ZNF540: variants seen among roughly 807,000 people sequenced by gnomAD.
ZNF540 encodes the protein CTD-3064H18.6.
ZNF540 carries 3 observed loss-of-function variants against 11.8 expected under a neutral mutation model. That is an observed-to-expected ratio of 0.25 (90% CI 0.12 to 0.65). The LOEUF (loss-of-function observed/expected upper bound fraction) is 0.65, where lower values mean the gene tolerates loss of function less well. Ranked by LOEUF, ZNF540 falls within the 30% of genes least tolerant of loss-of-function variation. ZNF540 has a pLI of 0.83. For missense variants in ZNF540, 709 were observed against 793.1 expected, an observed-to-expected ratio of 0.89 and a Z score of 1.27; for synonymous variants, 247 against 259.0, an observed-to-expected ratio of 0.95 and a Z score of 0.45.
intron 1 of ZNF540, chr19:37,583,743 T>C: frequency 2.3e-6 from 1 of 428,200 alleles, no homozygotes; most frequent in South Asian, 3.4e-5. Flanking sequence ...GATTCCCAGA[T>C]TCAAATCTAG....
intron 1 of ZNF540, among the ~76,000 whole-genome samples, chr19:37,568,962 CTTTT>C (rs879782657): frequency 1.4e-5 from 2 of 145,708 alleles, no homozygotes; most frequent in African/African-American, 5.0e-5. Flanking sequence ...CCCAAGGCAT[CTTTT>C]TTTTTTTTGA....
chr19:37,606,135 T>C (rs2147231259), intron 4 of ZNF540, among the ~76,000 whole-genome samples: 1 of 152,334 alleles, frequency 6.6e-6, no homozygotes, highest in South Asian at 2.1e-4. Context: ...TTTTGTTGAT[T>C]TTCCTTTTCT....
At chr19:37,593,808 G>A (rs1037909161), upstream of ZNF540, among the ~76,000 whole-genome samples, 1 of 152,106 alleles carries the variant, frequency 6.6e-6, no homozygotes, top group Non-Finnish European at 1.5e-5. Context: ...CTAAACTGAT[G>A]ATCCCATCCC....
In ZNF540 at chr19:37,565,225, A is replaced by C. The variant is rs980726399; in HGVS notation, c.-73+13560A>C. ...GATGTTGAATAAGATTAGAATTAGAAATAAAGGCTTTCCCACATTCTTTGC... is the reference window on the plus strand; with the variant it reads ...GATGTTGAATAAGATTAGAATTAGACATAAAGGCTTTCCCACATTCTTTGC... On this transcript the variant is annotated intron_variant, in intron 1 of 4. Transcript: ENST00000592533. The C allele has an allele frequency of 6.2e-6, 10 of 1,613,308 alleles. No homozygotes were observed. The African/African-American group carries it at 1.3e-4, about 22-fold the overall frequency.
chr19:37,565,196 C>A (rs1218364772), intron 1 of ZNF540: 4 of 1,613,514 alleles, frequency 2.5e-6, no homozygotes, highest in Middle Eastern at 1.7e-4. Context: ...GGTATGAATT[C>A]TTTGATGTTG....
chr19:37,586,989 G>A, intron 1 of ZNF540: 1 of 332,764 alleles, frequency 3.0e-6, no homozygotes, highest in Non-Finnish European at 5.4e-6. Context: ...GTAGAACAGA[G>A]GCATGCCCAG....
intron 1 of ZNF540, among the ~76,000 whole-genome samples, chr19:37,588,275 A>G (rs2043751550): frequency 6.6e-6 from 1 of 152,150 alleles, no homozygotes; most frequent in Non-Finnish European, 1.5e-5. Flanking sequence ...TTTAAATTCA[A>G]CAAGCAAGAA....
At chr19:37,559,506 T>A (rs1352053928) in intron 1 of ZNF540, among the ~76,000 whole-genome samples, 1 of 152,244 alleles carries the variant, frequency 6.6e-6, no homozygotes, top group East Asian at 1.9e-4. Context: ...ACTAGGTTGC[T>A]ACATGTAATT....
At chr19:37,590,799 TTTAA>T (rs1187984950), upstream of ZNF540, among the ~76,000 whole-genome samples, 7 of 152,156 alleles carry the variant, frequency 4.6e-5, 1 homozygote, top group Admixed American at 3.3e-4. Flanking sequence ...AGTACTGATT[TTTAA>T]TTAAGAGACT....
intron 1 of ZNF540, among the ~76,000 whole-genome samples, chr19:37,559,499 AG>A (rs1386917745): frequency 6.6e-6 from 1 of 152,258 alleles, no homozygotes; most frequent in African/African-American, 2.4e-5. Context: ...TGCTGTTACT[AG>A]GTTGCTACAT....
chr19:37,591,442 C>A (rs2043864837), upstream of ZNF540, among the ~76,000 whole-genome samples: 1 of 152,240 alleles, frequency 6.6e-6, no homozygotes, highest in South Asian at 2.1e-4. Context: ...AAAACAGACA[C>A]TCCCTTTTGG....
At chr19:37,593,160 T>C (rs908196912), upstream of ZNF540, among the ~76,000 whole-genome samples, 1 of 152,176 alleles carries the variant, frequency 6.6e-6, no homozygotes, top group Non-Finnish European at 1.5e-5. Context: ...AGCATCATGG[T>C]TATTTTAAAA....
rs552469425 is a variant in ZNF540, at chr19:37,587,624, A to G, written c.-72-10752A>G. ...TTTTTTTTGGTAGCATTGATCTTGC[A>G]TACATGTATAATCCATGAACTTAAC... On this transcript the variant is annotated intron_variant, in intron 1 of 4. Transcript: ENST00000592533. Among the ~76,000 whole-genome samples, 10 of 151,310 alleles carry G rather than the reference A, an allele frequency of 6.6e-5. No individual in the cohort carries two copies. The East Asian group carries it at 1.9e-3, about 29-fold the overall frequency.
At chr19:37,574,535 A>G (rs1233507911) in intron 1 of ZNF540, among the ~76,000 whole-genome samples, 2 of 152,218 alleles carry the variant, frequency 1.3e-5, no homozygotes, top group African/African-American at 4.8e-5. Flanking sequence ...TCATTATAAC[A>G]TTAGAACTCA....
chr19:37,591,828 G>A (rs1234904757), upstream of ZNF540, among the ~76,000 whole-genome samples: 1 of 152,104 alleles, frequency 6.6e-6, no homozygotes, highest in Non-Finnish European at 1.5e-5. Context: ...ACAGGCGTGA[G>A]CCACCACACA....
At chr19:37,583,280 G>A (rs1050364028) in intron 1 of ZNF540, among the ~76,000 whole-genome samples, 3 of 152,144 alleles carry the variant, frequency 2.0e-5, no homozygotes, top group South Asian at 2.1e-4. Context: ...ACTTATCCAA[G>A]TTTAACTATA....
At chr19:37,553,752 A>G (rs1464972385) in intron 1 of ZNF540, among the ~76,000 whole-genome samples, 1 of 118,408 alleles carries the variant, frequency 8.4e-6, no homozygotes, top group African/African-American at 3.3e-5. Flanking sequence ...CACACAAATA[A>G]TACTTCCATT....
rs2044149266 is a variant in ZNF540 at position 37,613,450 on chromosome 19, C to T, written c.*187C>T. ...CTAGAAAATAAAGCTGTTAATGTAA[C>T]AGTTGTGGAAAAGTGTTCTAGCAAC... On this transcript the variant is annotated 3_prime_UTR_variant, in exon 5 of 5. Coordinates refer to ENST00000316433, the MANE Select transcript of ZNF540 (RefSeq NM_001172225.3). 2.1e-6 allele frequency: 1 copy of T among 468,622 alleles called. No homozygotes were observed. Among genetic ancestry groups the T allele is most frequent in the Non-Finnish European group, 3.6e-6 (1 of 274,192 alleles). 29.0% of individuals were successfully genotyped at this position (468,622 alleles called of 1,614,324 possible). A position where few individuals can be genotyped will look rare whatever the true frequency, so the allele number is the denominator to read the frequency against.
rs542781735 is a variant in ZNF540, at chr19:37,584,091, C to T, written c.-72-14285C>T. ...TCAATGGCCACATCCCTGAAAGTCA[C>T]CAACAACTGAAACAACAAATCCATT... is the stretch of plus-strand genomic sequence containing the variant. On this transcript the variant is annotated intron_variant, in intron 1 of 4. Coordinates refer to the ZNF540 transcript ENST00000592533. The T allele has an allele frequency of 1.2e-6, 2 of 1,614,008 alleles. No individual in the cohort carries two copies. The highest frequency in any genetic ancestry group is 1.3e-5 in the African/African-American group (1 of 75,020).
Sources: allele counts gnomAD v4.1 joint callset (sites outside exome capture counted in the v4.1 genomes callset), GRCh38; gene constraint gnomAD v4.1.1; transcripts MANE v1.5; gene names NCBI Gene and HGNC (gene_info 2026-07-23, HGNC 2026-07-21).